The following ROS1 variants were observed in gnomAD, a reference collection of about 807,000 sequenced individuals.
ROS1 encodes ROS proto-oncogene 1, receptor tyrosine kinase.
ROS1 carries 263 observed loss-of-function variants against 273.5 expected under a neutral mutation model. That is an observed-to-expected ratio of 0.96 (90% CI 0.87 to 1.06). The LOEUF is 1.06. Among genes scored for constraint, ROS1 ranks in the 50% least tolerant of loss-of-function variants. The pLI is 0.00. For synonymous variants in ROS1, 1,008 were observed against 954.1 expected, an observed-to-expected ratio of 1.06 and a Z score of -1.04; for missense variants, 2,833 against 2,751.1, an observed-to-expected ratio of 1.03 and a Z score of -0.67.
In ROS1 at chr6:117,357,808, A is replaced by C; in HGVS notation, c.3835T>G (p.Leu1279Val). Reference sequence around the variant, plus strand: ...AAAATACTTGCATTTACATACCTTAAAAGAGGATATACAGAAAAAGAAATT... The same window carrying C: ...AAAATACTTGCATTTACATACCTTACAAGAGGATATACAGAAAAAGAAATT... ...TIISFSVYPLLSRLYWTEVSN... is the reference protein window; with the variant it reads ...TIISFSVYPLVSRLYWTEVSN... The change falls in exon 25 of 44, where the codon TTA becomes GTA. Residue 1279 changes from leucine to valine, a missense_variant. Transcript: ENST00000368507. 6.3e-7 allele frequency: 1 copy of C among 1,589,064 alleles called. No homozygotes were observed. The highest frequency in any genetic ancestry group is 1.1e-5 in the South Asian group (1 of 90,364).
intron 39 of ROS1, 131 bp downstream of exon 39, chr6:117,317,012 A>G: frequency 1.0e-6 from 1 of 982,570 alleles, no homozygotes; most frequent in Non-Finnish European, 1.5e-6. Flanking sequence ...ATGTGAAGGA[A>G]ACAGAATAAT....
Position 117,332,483 on chromosome 6 carries a change from G to C in ROS1, c.5231-3037C>G, listed in dbSNP as rs144288866. ...TATTCAGGACTTGAACTTAGCTCTG[G>C]ATCAAGTGGACCTAGTAGATGTCTA... On this transcript the variant is annotated intron_variant, in intron 32 of 43. Transcript: ENST00000368507. 2.0e-3 allele frequency among the ~76,000 whole-genome samples: 311 copies of C among 152,202 alleles called. 4 individuals carry two copies. In the East Asian group the frequency reaches 0.042, roughly 20 times the overall value.
At chr6:117,327,125 T>C (rs1029118592) in intron 33 of ROS1, among the ~76,000 whole-genome samples, 1 of 152,148 alleles carries the variant, frequency 6.6e-6, no homozygotes, top group African/African-American at 2.4e-5. Context: ...TTTTAGGACT[T>C]GGTGCCAATC....
At chr6:117,337,919 C>T (rs1777595901) in intron 31 of ROS1, among the ~76,000 whole-genome samples, 1 of 151,810 alleles carries the variant, frequency 6.6e-6, no homozygotes, top group Non-Finnish European at 1.5e-5. Context: ...AAAATTTTGC[C>T]CACTATTATG....
At chr6:117,292,133 C>A (rs908272144) in intron 43 of ROS1, among the ~76,000 whole-genome samples, 4 of 151,988 alleles carry the variant, frequency 2.6e-5, no homozygotes, top group African/African-American at 9.7e-5. Flanking sequence ...CCATGCCCAG[C>A]TAATTTTTTC....
At chr6:117,359,445 A>G (rs1481069299) in intron 24 of ROS1, among the ~76,000 whole-genome samples, 2 of 152,142 alleles carry the variant, frequency 1.3e-5, no homozygotes, top group East Asian at 1.9e-4. Flanking sequence ...GTAGAGCCCA[A>G]ATTGCATTCT....
Position 117,329,405 on chromosome 6 carries a change from C to T in ROS1, c.5272G>A (p.Gly1758Arg). 1 of 1,602,508 alleles carries T rather than the reference C, an allele frequency of 6.2e-7. No individual in the cohort carries two copies. The highest frequency in any genetic ancestry group is 1.1e-5 in the South Asian group (1 of 90,402). Reference protein sequence around the residue: ...NKPGIPKLLEGSKNSIQWEKA... With the variant: ...NKPGIPKLLERSKNSIQWEKA... ...TCCCACTGTATTGAATTTTTACTCC[C>T]TTCTAGTAATTTGGGAATGCCTGGT... is the stretch of plus-strand genomic sequence containing the variant. The change falls in exon 33 of 44, where the codon GGG (glycine) becomes AGG (arginine). Residue 1758 changes from glycine (G) to arginine (R), a missense_variant. Transcript: ENST00000368507.
At chr6:117,313,841 T>C (rs1025599371) in intron 39 of ROS1, among the ~76,000 whole-genome samples, 1 of 151,272 alleles carries the variant, frequency 6.6e-6, no homozygotes, top group African/African-American at 2.4e-5. Context: ...GGAGGGAGAG[T>C]AGCATTTGTG....
chr6:117,377,551 A>G (rs1460728334), intron 18 of ROS1, among the ~76,000 whole-genome samples: 1 of 152,204 alleles, frequency 6.6e-6, no homozygotes, highest in Admixed American at 6.5e-5. Flanking sequence ...ACATACCCCA[A>G]AATAAATTTA....
At chr6:117,303,008 CT>C (rs934857027) in intron 42 of ROS1, among the ~76,000 whole-genome samples, 1 of 152,142 alleles carries the variant, frequency 6.6e-6, no homozygotes, top group Non-Finnish European at 1.5e-5. Flanking sequence ...TATTCACTGC[CT>C]TTTTTAATTT....
At chr6:117,375,806 T>C (rs1192888239) in intron 18 of ROS1, among the ~76,000 whole-genome samples, 1 of 151,996 alleles carries the variant, frequency 6.6e-6, no homozygotes, top group Non-Finnish European at 1.5e-5. Flanking sequence ...ATAATCAATA[T>C]ACTAAATATA....
At chr6:117,353,900 C>T (rs968440413) in intron 26 of ROS1, among the ~76,000 whole-genome samples, 9 of 152,142 alleles carry the variant, frequency 5.9e-5, no homozygotes, top group Non-Finnish European at 4.4e-5. Flanking sequence ...TCTCCCTTCA[C>T]TGACAAGAAC....
In ROS1 at chr6:117,344,149, CA is replaced by C; in HGVS notation, c.4416del (p.Tyr1472Ter). 6.2e-7 allele frequency: 1 copy of C among 1,613,940 alleles called. No homozygotes were observed. Among genetic ancestry groups the C allele is most frequent in the Non-Finnish European group, 8.5e-7 (1 of 1,179,926 alleles). ...LPLAKTNLTW[Y>X]GITSPTPTYL... ...TATGTTGGAGTAGGGCTGGTGATGC[CA>C]TACCATGTGAGGTTTGTCTTGGCCA... is the stretch of plus-strand genomic sequence containing the variant. On this transcript the variant is annotated frameshift_variant, in exon 28 of 44. Coordinates refer to ENST00000368507, the MANE Select transcript of ROS1 (RefSeq NM_001378902.1). LOFTEE classifies it high-confidence loss of function.
intron 18 of ROS1, 88 bp downstream of exon 18, chr6:117,378,971 T>C (rs1771889380): frequency 6.2e-6 from 5 of 800,354 alleles, no homozygotes; most frequent in Middle Eastern, 2.3e-4. Context: ...AAAATGTTTA[T>C]TGAAGGAATA....
chr6:117,334,920 C>T (rs1215611600), intron 32 of ROS1, among the ~76,000 whole-genome samples: 3 of 152,186 alleles, frequency 2.0e-5, no homozygotes, highest in Non-Finnish European at 4.4e-5. Context: ...CCATTCAGGA[C>T]ATAGGCATGG....
Position 117,425,774 on chromosome 6 carries a change from G to C in ROS1, c.-118C>G. On this transcript the variant is annotated 5_prime_UTR_variant, in exon 1 of 44. Transcript: ENST00000368507. ...GTAGCTGATGGATTTTGCTTTGTTT[G>C]TTTTGCTATATTAGGATATACTTGC... The C allele has an allele frequency of 2.7e-6, 3 of 1,114,064 alleles. No individual in the cohort carries two copies. The highest frequency in any genetic ancestry group is 4.2e-5 in the Admixed American group (2 of 47,230). 69.0% of individuals were successfully genotyped at this position (1,114,064 alleles called of 1,614,324 possible).
chr6:117,289,012 A>C (rs1773633817), intron 43 of ROS1, among the ~76,000 whole-genome samples: 1 of 152,230 alleles, frequency 6.6e-6, no homozygotes, highest in African/African-American at 2.4e-5. Flanking sequence ...AGCAGACCAT[A>C]TAGATCTGCT....
chr6:117,352,916 GAGA>G, intron 27 of ROS1, 71 bp downstream of exon 27: 1 of 1,372,642 alleles, frequency 7.3e-7, no homozygotes. Flanking sequence ...GACAGCCTTG[GAGA>G]AGGAGATGTT....
At chr6:117,314,637 C>T (rs1775776194) in intron 39 of ROS1, among the ~76,000 whole-genome samples, 1 of 152,164 alleles carries the variant, frequency 6.6e-6, no homozygotes, top group Non-Finnish European at 1.5e-5. Context: ...AGGCACTGTA[C>T]TGAAATGCAG....
Sources: gnomAD v4.1 joint callset for allele counts (sites outside exome capture counted in the v4.1 genomes callset) on GRCh38, gnomAD v4.1.1 for gene constraint, MANE v1.5 for transcripts, NCBI Gene and HGNC (gene_info 2026-07-23, HGNC 2026-07-21) for gene names.